Variants in COBL observed in about 807,000 individuals in gnomAD.
COBL encodes the protein cordon-bleu WH2 repeat protein.
A neutral mutation model predicts 98.8 loss-of-function variants in COBL; 51 were observed. The ratio of observed to expected loss-of-function variants is 0.52; its 90% CI spans 0.41 to 0.65. The LOEUF is 0.65. Among genes scored for constraint, COBL ranks in the 30% least tolerant of loss-of-function variants. The pLI, the probability that COBL is intolerant of heterozygous loss-of-function variation, is 0.00. For synonymous variants in COBL, 634 were observed against 651.7 expected, an observed-to-expected ratio of 0.97 and a Z score of 0.41; for missense variants, 1,617 against 1,617.5, an observed-to-expected ratio of 1.00 and a Z score of 0.01.
intron 1 of COBL, among the ~76,000 whole-genome samples, chr7:51,268,412 C>T (rs7780774): frequency 3.6e-3 from 544 of 152,300 alleles, no homozygotes; most frequent in African/African-American, 0.012. Flanking sequence ...CATCCACCCA[C>T]TAGACACTTC....
Position 51,155,589 on chromosome 7 carries a change from CAAAAAAAAAAAA to C in COBL, c.784-19270_784-19259del, listed in dbSNP as rs58500324. ...TAGGTGACAGAGCAAGACTCCATCT[CAAAAAAAAAAAA>C]AAAAAAAAAAAAAAAAAGAAGACTG... On this transcript the variant is annotated intron_variant, in intron 5 of 12. Coordinates refer to ENST00000265136, the MANE Select transcript of COBL (RefSeq NM_015198.5). 2.6e-3 allele frequency among the ~76,000 whole-genome samples: 79 copies of C among 30,798 alleles called. 1 individual carries two copies. Among genetic ancestry groups the C allele is most frequent in the East Asian group, 0.023 (15 of 662 alleles). The allele number at this position is 30,798 out of a possible 152,430, so 20.2% of individuals were successfully genotyped here.
chr7:51,267,605 C>T (rs1320652256), intron 1 of COBL, among the ~76,000 whole-genome samples: 2 of 152,048 alleles, frequency 1.3e-5, no homozygotes, highest in African/African-American at 2.4e-5. Flanking sequence ...GACAGGGTTG[C>T]TCTCTGTCAC....
chr7:51,047,839 A>C (rs1020511061), intron 7 of COBL, among the ~76,000 whole-genome samples: 1 of 151,980 alleles, frequency 6.6e-6, no homozygotes, highest in African/African-American at 2.4e-5. Context: ...AGTGCTTCTG[A>C]ACTAGTGATA....
chr7:51,163,100 C>T (rs1247694212), intron 5 of COBL, among the ~76,000 whole-genome samples: 2 of 152,170 alleles, frequency 1.3e-5, no homozygotes, highest in Admixed American at 1.3e-4. Flanking sequence ...GGAAGAGCTG[C>T]AAAATCCCTT....
chr7:51,222,697 C>T (rs929868878), intron 1 of COBL, among the ~76,000 whole-genome samples: 2 of 151,794 alleles, frequency 1.3e-5, no homozygotes, highest in Non-Finnish European at 2.9e-5. Flanking sequence ...TTAGCATTAC[C>T]TCCCAAAGGT....
At chr7:51,208,164 G>A (rs867988407) in intron 2 of COBL, among the ~76,000 whole-genome samples, 4 of 143,810 alleles carry the variant, frequency 2.8e-5, no homozygotes, top group Non-Finnish European at 4.5e-5. Context: ...TGGCCGCCCC[G>A]TCTGAGAAGA....
intron 2 of COBL, among the ~76,000 whole-genome samples, chr7:51,206,847 G>A (rs1791782349): frequency 6.6e-6 from 1 of 152,236 alleles, no homozygotes. Context: ...GAGAACAGAA[G>A]AGTGGTTGCA....
chr7:51,058,884 TTATTATCCCAGGCCGGGGC>T (rs1791040320), intron 7 of COBL, among the ~76,000 whole-genome samples: 1 of 152,248 alleles, frequency 6.6e-6, no homozygotes, highest in Non-Finnish European at 1.5e-5. Context: ...CAGCGTCATC[TTATTATCCCAGGCCGGGGC>T]TACTGTCTGT....
At chr7:51,177,909 T>C (rs531566222) in intron 5 of COBL, among the ~76,000 whole-genome samples, 9 of 152,030 alleles carry the variant, frequency 5.9e-5, no homozygotes, top group East Asian at 1.9e-4. Flanking sequence ...CTTTGAGAGG[T>C]TGAGGTGGGT....
intron 8 of COBL, among the ~76,000 whole-genome samples, chr7:51,039,950 T>C (rs1789006725): frequency 6.6e-6 from 1 of 152,170 alleles, no homozygotes; most frequent in African/African-American, 2.4e-5. Context: ...GGCTGCTCTC[T>C]TTAGAGAAAG....
chr7:51,174,605 A>G (rs192524373), intron 5 of COBL, among the ~76,000 whole-genome samples: 300 of 152,248 alleles, frequency 2.0e-3, no homozygotes, highest in Middle Eastern at 6.8e-3. Context: ...CTCCAGTCTA[A>G]CTGATGCCAA....
At chr7:51,091,630 C>T (rs537299761) in intron 6 of COBL, among the ~76,000 whole-genome samples, 3 of 152,212 alleles carry the variant, frequency 2.0e-5, no homozygotes, top group Admixed American at 1.3e-4. Flanking sequence ...TCTGACAATT[C>T]TCCAAATTGG....
At chr7:51,174,984 G>C (rs1311160836) in intron 5 of COBL, among the ~76,000 whole-genome samples, 2 of 152,178 alleles carry the variant, frequency 1.3e-5, no homozygotes, top group Non-Finnish European at 2.9e-5. Flanking sequence ...CTTGGTACCA[G>C]CAACATATTG....
intron 5 of COBL, among the ~76,000 whole-genome samples, chr7:51,167,895 C>A (rs1481796897): frequency 6.6e-6 from 1 of 152,068 alleles, no homozygotes; most frequent in African/African-American, 2.4e-5. Context: ...TACCTCTTGC[C>A]ATATACAAAA....
chr7:51,254,119 T>C (rs1328863160), intron 1 of COBL, among the ~76,000 whole-genome samples: 1 of 152,114 alleles, frequency 6.6e-6, no homozygotes, highest in Admixed American at 6.5e-5. Flanking sequence ...TCTTATTTTC[T>C]CTTCTTTCTT....
At chr7:51,270,966 A>T (rs1425003936) in intron 1 of COBL, among the ~76,000 whole-genome samples, 1 of 152,174 alleles carries the variant, frequency 6.6e-6, no homozygotes, top group Non-Finnish European at 1.5e-5. Flanking sequence ...TAGGGGGGTC[A>T]TGAGCTAAGG....
At chr7:51,064,189 T>G (rs868565685) in intron 7 of COBL, among the ~76,000 whole-genome samples, 1 of 152,164 alleles carries the variant, frequency 6.6e-6, no homozygotes, top group African/African-American at 2.4e-5. Flanking sequence ...TTGGCTACTG[T>G]GATTGGTTCA....
chr7:51,129,515 G>A (rs1230616113), intron 6 of COBL, among the ~76,000 whole-genome samples: 3 of 152,078 alleles, frequency 2.0e-5, no homozygotes, highest in South Asian at 2.1e-4. Context: ...TCATGTACAC[G>A]TAAAGTAAGT....
At chr7:51,165,906 T>G (rs1787272413) in intron 5 of COBL, among the ~76,000 whole-genome samples, 1 of 151,940 alleles carries the variant, frequency 6.6e-6, no homozygotes, top group African/African-American at 2.4e-5. Flanking sequence ...TTAAAAACCT[T>G]CTTGGAACAA....
Sources: allele counts gnomAD v4.1 joint callset (sites outside exome capture counted in the v4.1 genomes callset), GRCh38; gene constraint gnomAD v4.1.1; transcripts MANE v1.5; gene names NCBI Gene and HGNC (gene_info 2026-07-23, HGNC 2026-07-21).